The following ELF2 variants were observed in gnomAD, a reference collection of about 807,000 sequenced individuals.
The protein encoded by ELF2 is E74 like ETS transcription factor 2.
ELF2 carries 11 observed loss-of-function variants against 54.8 expected under a neutral mutation model. The observed-to-expected ratio is 0.20, with a 90% CI of 0.13 to 0.33. The LOEUF (loss-of-function observed/expected upper bound fraction) is 0.33. ELF2 is among the 10% of genes least tolerant of loss of function. The probability of loss-of-function intolerance (pLI) is 1.00; values close to 1 mark genes in which losing one functional copy is unlikely to be tolerated. For missense variants in ELF2, 513 were observed against 703.0 expected (o/e 0.73, Z 3.06); for synonymous variants, 203 against 245.1 (o/e 0.83, Z 1.61).
At chr4:139,062,322 C>T (rs1392888154) in intron 7 of ELF2, among the ~76,000 whole-genome samples, 1 of 152,146 alleles carries the variant, frequency 6.6e-6, no homozygotes, top group Admixed American at 6.5e-5. Flanking sequence ...AGGCACATTC[C>T]ACCACACCCG....
At chr4:139,147,332 T>G (rs1336710784) in intron 1 of ELF2, among the ~76,000 whole-genome samples, 1 of 152,152 alleles carries the variant, frequency 6.6e-6, no homozygotes, top group Non-Finnish European at 1.5e-5. Flanking sequence ...AAAACCACAA[T>G]GACACACCAT....
intron 4 of ELF2, among the ~76,000 whole-genome samples, chr4:139,101,435 T>C (rs1733866006): frequency 6.6e-6 from 1 of 152,242 alleles, no homozygotes; most frequent in Non-Finnish European, 1.5e-5. Flanking sequence ...TTTCAGCTCT[T>C]CTATTTTTTG....
chr4:139,104,370 C>A (rs1397981768), intron 4 of ELF2, among the ~76,000 whole-genome samples: 1 of 151,888 alleles, frequency 6.6e-6, no homozygotes, highest in Non-Finnish European at 1.5e-5. Context: ...ATTAGCCAGG[C>A]GTGGTGGTGC....
intron 4 of ELF2, among the ~76,000 whole-genome samples, chr4:139,108,448 A>G (rs146670740): frequency 1.3e-5 from 2 of 152,276 alleles, no homozygotes; most frequent in East Asian, 3.9e-4. Flanking sequence ...ATTAAAAAAC[A>G]AAAACTACAG....
At chr4:139,084,456 C>CGGCGGT in intron 4 of ELF2, 1 of 1,147,484 alleles carries the variant, frequency 8.7e-7, no homozygotes, top group Non-Finnish European at 1.1e-6. Flanking sequence ...GCGGCGGCGG[C>CGGCGGT]GGCGGCTGTG....
At chr4:139,126,259 T>C (rs1346644704) in intron 3 of ELF2, among the ~76,000 whole-genome samples, 3 of 147,600 alleles carry the variant, frequency 2.0e-5, no homozygotes, top group African/African-American at 7.5e-5. Context: ...GATAAAGCAA[T>C]AGAAAACAGG....
rs770936724 is a variant in ELF2 at position 139,081,072 on chromosome 4, C to T, written c.239-7505G>A. Among the ~76,000 whole-genome samples, 37 of 151,930 alleles carry T rather than the reference C, an allele frequency of 2.4e-4. 1 individual carries two copies. Among genetic ancestry groups the T allele is most frequent in the Non-Finnish European group, 2.8e-4 (19 of 67,966 alleles). On this transcript the variant is annotated intron_variant, in intron 4 of 9. Transcript: ENST00000686138. ...CTGTCTTCTTAGAGAAAAATGAAGCCCTAAAGATGTTAAGTCACTAGCTAG... is the reference window on the plus strand; with the variant it reads ...CTGTCTTCTTAGAGAAAAATGAAGCTCTAAAGATGTTAAGTCACTAGCTAG...
chr4:139,135,514 T>C (rs1427924517), intron 3 of ELF2, among the ~76,000 whole-genome samples: 2 of 152,006 alleles, frequency 1.3e-5, no homozygotes, highest in Admixed American at 6.6e-5. Flanking sequence ...GCTGCCCTAA[T>C]TGAAGTACTC....
chr4:139,113,692 TAA>T (rs2148813582), intron 4 of ELF2, among the ~76,000 whole-genome samples: 1 of 151,672 alleles, frequency 6.6e-6, no homozygotes, highest in East Asian at 1.9e-4. Context: ...CCGTCTCTAC[TAA>T]AAATACAAAA....
chr4:139,114,289 G>A (rs1735295467), intron 4 of ELF2, among the ~76,000 whole-genome samples: 1 of 151,928 alleles, frequency 6.6e-6, no homozygotes, highest in Non-Finnish European at 1.5e-5. Context: ...GAATTTAGAG[G>A]CCGGGGCATG....
intron 4 of ELF2, among the ~76,000 whole-genome samples, chr4:139,110,498 T>C (rs553364213): frequency 1.4e-4 from 21 of 152,186 alleles, no homozygotes; most frequent in Non-Finnish European, 2.8e-4. Flanking sequence ...TCATAGACAA[T>C]CATATTTTTT....
chr4:139,102,080 G>A (rs1733930554), intron 4 of ELF2: 1 of 151,684 alleles, frequency 6.6e-6, no homozygotes, highest in Non-Finnish European at 1.5e-5. Context: ...CTTGAACCAA[G>A]TTCTTGGTTT....
At chr4:139,173,278 G>T (rs922901137) in intron 1 of ELF2, among the ~76,000 whole-genome samples, 4 of 151,988 alleles carry the variant, frequency 2.6e-5, no homozygotes, top group Non-Finnish European at 5.9e-5. Context: ...TTGGTATCAG[G>T]TAAGTCAAAA....
chr4:139,129,441 A>G (rs765948828), intron 3 of ELF2, among the ~76,000 whole-genome samples: 2 of 152,164 alleles, frequency 1.3e-5, no homozygotes, highest in Non-Finnish European at 2.9e-5. Flanking sequence ...ACTCTGACTC[A>G]TCTTCTGAAT....
At chr4:139,174,500 G>A (rs1742706651) in intron 1 of ELF2, among the ~76,000 whole-genome samples, 2 of 152,064 alleles carry the variant, frequency 1.3e-5, no homozygotes, top group South Asian at 4.1e-4. Context: ...CTGTAAAATT[G>A]AGTATAGTGA....
chr4:139,114,561 T>TCCAGTCTCTCA (rs70940492), intron 4 of ELF2, among the ~76,000 whole-genome samples: 6 of 108,636 alleles, frequency 5.5e-5, no homozygotes, highest in African/African-American at 1.4e-4. Context: ...GACTTCAGTC[T>TCCAGTCTCTCA]CACACACACA....
Position 139,067,765 on chromosome 4 carries a change from G to T in ELF2, c.532C>A (p.Arg178Ser), listed in dbSNP as rs755196518. 6.3e-7 allele frequency: 1 copy of T among 1,577,506 alleles called. No individual in the cohort carries two copies. The highest frequency in any genetic ancestry group is 1.7e-5 in the Admixed American group (1 of 57,726). ...GGTGATTGCTGGGTCTTTGGTTTAC[G>T]GCCAACTGAAAAAATAAGATATTGA... Reference protein sequence around the residue: ...HEPMKKKKVGRKPKTQQSPIS... With the variant: ...HEPMKKKKVGSKPKTQQSPIS... The change falls in exon 7 of 10, where the codon CGT (arginine) becomes AGT (serine). Residue 178 changes from arginine (R) to serine (S), a missense_variant. Coordinates refer to ENST00000686138, the MANE Select transcript of ELF2 (RefSeq NM_001331036.3).
intron 4 of ELF2, chr4:139,101,855 T>C (rs946964916): frequency 6.6e-6 from 1 of 152,118 alleles, no homozygotes; most frequent in African/African-American, 2.4e-5. Flanking sequence ...CTCCTAAGTA[T>C]GTAATATTAG....
intron 4 of ELF2, among the ~76,000 whole-genome samples, chr4:139,120,063 T>C (rs948969153): frequency 5.3e-5 from 8 of 152,126 alleles, no homozygotes; most frequent in Non-Finnish European, 1.2e-4. Context: ...CATGAGCCAC[T>C]GCACTCGGCC....
Sources: gnomAD v4.1 joint callset for allele counts (sites outside exome capture counted in the v4.1 genomes callset) on GRCh38, gnomAD v4.1.1 for gene constraint, MANE v1.5 for transcripts, NCBI Gene and HGNC (gene_info 2026-07-23, HGNC 2026-07-21) for gene names.